The following FCMR variants were observed in gnomAD, a reference collection of about 807,000 sequenced individuals.
FCMR encodes immunoglobulin mu Fc receptor.
In FCMR, 34 loss-of-function variants were observed where a neutral mutation model predicts 41.6. The ratio of observed to expected loss-of-function variants is 0.82; its 90% confidence interval spans 0.62 to 1.09. FCMR has a LOEUF of 1.09. FCMR is among the 50% of genes least tolerant of loss of function. The probability of loss-of-function intolerance (pLI) is 0.00; values close to 1 mark genes in which losing one functional copy is unlikely to be tolerated. For synonymous variants in FCMR, 209 were observed against 211.8 expected, an observed-to-expected ratio of 0.99 and a Z score of 0.12; for missense variants, 496 against 512.5, an observed-to-expected ratio of 0.97 and a Z score of 0.31.
intron 1 of FCMR, among the ~76,000 whole-genome samples, chr1:206,918,390 C>T (rs772062827): frequency 1.3e-5 from 2 of 152,150 alleles, no homozygotes; most frequent in African/African-American, 4.8e-5. Flanking sequence ...TCATTGACTC[C>T]CATGGCTTTT....
rs757494473 is a variant in FCMR at position 206,913,944 on chromosome 1, G to A, written c.188C>T (p.Ser63Phe). ...AGSGTCGTVV[S>F]TTNFIKAEYK... ...TTCTGCCTTGATGAAGTTGGTGGTGGATACCACGGTACCACATGTTCCAGA... is the reference window on the plus strand; with the variant it reads ...TTCTGCCTTGATGAAGTTGGTGGTGAATACCACGGTACCACATGTTCCAGA... Residue 63 changes from serine (S) to phenylalanine (F), a missense_variant, in exon 2 of 8, where the codon TCC becomes TTC. By Grantham distance (155) the Ser-to-Phe change is radical (BLOSUM62 -2). Coordinates refer to ENST00000367091, the MANE Select transcript of FCMR (RefSeq NM_005449.5). The A allele has an allele frequency of 1.2e-6, 2 of 1,614,170 alleles. No individual in the cohort carries two copies. The highest frequency in any genetic ancestry group is 8.5e-7 in the Non-Finnish European group (1 of 1,180,040).
intron 3 of FCMR, 55 bp from the exon 4 acceptor site, chr1:206,912,007 C>G: frequency 7.3e-7 from 1 of 1,366,918 alleles, no homozygotes; most frequent in Non-Finnish European, 1.0e-6. Flanking sequence ...TATTCTCCAA[C>G]AGGATTAGGT....
At chr1:206,912,022 A>C in intron 3 of FCMR, 70 bp from the exon 4 acceptor site, 5 of 1,168,010 alleles carry the variant, frequency 4.3e-6, no homozygotes, top group Non-Finnish European at 5.0e-6. Flanking sequence ...TTAGGTCACC[A>C]CCTCTTTCCA....
At chr1:206,922,778 G>A (rs554500945), upstream of FCMR, among the ~76,000 whole-genome samples, 1 of 152,364 alleles carries the variant, frequency 6.6e-6, no homozygotes, top group Middle Eastern at 3.4e-3. Flanking sequence ...ATGACTGATG[G>A]AGAGAGATGC....
chr1:206,910,194 A>T lies in FCMR; in HGVS notation c.841+16T>A. 3 of 1,587,584 alleles carry T rather than the reference A, an allele frequency of 1.9e-6. No individual in the cohort carries two copies. The highest frequency in any genetic ancestry group is 2.6e-6 in the Non-Finnish European group (3 of 1,169,018). ...TTGGGCAGCTCAGCTCTCCCTACCGAAGCCCAGCCGCTCACCTTTCCTCCT... is the reference window on the plus strand; with the variant it reads ...TTGGGCAGCTCAGCTCTCCCTACCGTAGCCCAGCCGCTCACCTTTCCTCCT... On this transcript the variant is annotated intron_variant, in intron 5 of 7. Coordinates refer to ENST00000367091, the MANE Select transcript of FCMR (RefSeq NM_005449.5).
chr1:206,911,912 G>T lies in FCMR; in HGVS notation c.528C>A (p.His176Gln), dbSNP rs1359818361. The change falls in exon 4 of 8, where the codon CAC (histidine) becomes CAA (glutamine). Residue 176 changes from histidine to glutamine, a missense_variant. His to Gln is a conservative substitution (Grantham distance 24, BLOSUM62 0). Transcript: ENST00000367091. ...PAQRGKVPPVHHSSPTTQITH... is the reference protein window; with the variant it reads ...PAQRGKVPPVQHSSPTTQITH... ...TGATTTGGGTGGTGGGGGAGGAGTGGTGAACTGGAGGGACCTTGCCCCTTT... is the reference window on the plus strand; with the variant it reads ...TGATTTGGGTGGTGGGGGAGGAGTGTTGAACTGGAGGGACCTTGCCCCTTT... The T allele has an allele frequency of 1.9e-6, 3 of 1,605,898 alleles. No individual in the cohort carries two copies. The highest frequency in any genetic ancestry group is 2.5e-6 in the Non-Finnish European group (3 of 1,177,790).
At chr1:206,921,142 G>A (rs1679422676) in intron 1 of FCMR, among the ~76,000 whole-genome samples, 1 of 152,198 alleles carries the variant, frequency 6.6e-6, no homozygotes, top group Admixed American at 6.5e-5. Flanking sequence ...GCTACTGAAT[G>A]GATTACGGAA....
chr1:206,911,234 T>C (rs919292045), intron 4 of FCMR, among the ~76,000 whole-genome samples: 2 of 125,832 alleles, frequency 1.6e-5, no homozygotes, highest in Admixed American at 8.5e-5. Context: ...TTGATTATTA[T>C]AGGGTTTTTT....
chr1:206,907,518 G>A, intron 7 of FCMR: 1 of 449,708 alleles, frequency 2.2e-6, no homozygotes, highest in South Asian at 1.9e-5. Context: ...GGGGGAAGTA[G>A]GCTTCCACCG....
In FCMR at chr1:206,921,849, G is replaced by A. The variant is rs751526291; in HGVS notation, c.6C>T (p.Asp2=). 20 of 1,614,042 alleles carry A rather than the reference G, an allele frequency of 1.2e-5. No homozygotes were observed. Among genetic ancestry groups the A allele is most frequent in the Admixed American group, 5.0e-5 (3 of 60,012 alleles). M[D]FWLWPLYFLP... Reference sequence around the variant, plus strand: ...GGAAGTAAAGTGGCCAAAGCCAGAAGTCCATTGTCCCTTCTAGAGTGCAAG... The same window carrying A: ...GGAAGTAAAGTGGCCAAAGCCAGAAATCCATTGTCCCTTCTAGAGTGCAAG... The change falls in exon 1 of 8, where the codon GAC becomes GAT. Residue 2 remains aspartate, a synonymous_variant. Transcript: ENST00000367091.
intron 1 of FCMR, chr1:206,921,478 G>C: frequency 2.3e-6 from 1 of 443,416 alleles, no homozygotes; most frequent in Non-Finnish European, 4.4e-6. Context: ...GCATGCACTT[G>C]TAGTCCTAGC....
intron 1 of FCMR, among the ~76,000 whole-genome samples, chr1:206,918,650 A>T (rs1572631776): frequency 3.4e-5 from 5 of 145,872 alleles, no homozygotes; most frequent in African/African-American, 7.6e-5. Flanking sequence ...ATAAATTTTA[A>T]GTGTGTGTGT....
At chr1:206,910,020 C>T in intron 5 of FCMR, 152 bp from the exon 6 acceptor site, 1 of 1,163,162 alleles carries the variant, frequency 8.6e-7, no homozygotes, top group South Asian at 1.8e-5. Context: ...ACGGCCTTGC[C>T]CTGCCCTGAA....
chr1:206,922,719 C>T (rs955512936), upstream of FCMR, among the ~76,000 whole-genome samples: 1 of 152,210 alleles, frequency 6.6e-6, no homozygotes, highest in Non-Finnish European at 1.5e-5. Flanking sequence ...AGTCACAGCA[C>T]CCTGGTAGAG....
chr1:206,911,796 G>A lies in FCMR; in HGVS notation c.644C>T (p.Ala215Val), dbSNP rs1212608529. The A allele has an allele frequency of 3.7e-6, 6 of 1,612,674 alleles. No homozygotes were observed. The South Asian group carries it at 5.5e-5, about 15-fold the overall frequency. The change falls in exon 4 of 8, where the codon GCT becomes GTT. Residue 215 changes from alanine to valine, a missense_variant. By Grantham distance (64) the Ala-to-Val change is moderately conservative. Coordinates refer to ENST00000367091, the MANE Select transcript of FCMR (RefSeq NM_005449.5). ...LPSTTASKIS[A>V]LEGLLKPQTP... ...CTGGGGCTTGAGCAGCCCCTCCAGA[G>A]CTGAGATTTTTGAGGCTGTAGTGGA... is the stretch of plus-strand genomic sequence containing the variant.
Position 206,909,956 on chromosome 1 carries a change from G to C in FCMR, c.842-88C>G. 7.5e-7 allele frequency: 1 copy of C among 1,326,890 alleles called. No homozygotes were observed. The highest frequency in any genetic ancestry group is 9.7e-7 in the Non-Finnish European group (1 of 1,027,500). 82.2% of individuals were successfully genotyped at this position (1,326,890 alleles called of 1,614,324 possible). Reference sequence around the variant, plus strand: ...CAAACGAAAGGCTGCCTCCTCCCTCGGGCTTGGCAGTGTCTGACCTGGAGA... The same window carrying C: ...CAAACGAAAGGCTGCCTCCTCCCTCCGGCTTGGCAGTGTCTGACCTGGAGA... On this transcript the variant is annotated intron_variant, in intron 5 of 7. Coordinates refer to ENST00000367091, the MANE Select transcript of FCMR (RefSeq NM_005449.5). This position sits in a 1 kb window ranked among gnomAD's most constrained non-coding sequence, Gnocchi z 5.0.
rs976764669 is a variant in FCMR, at chr1:206,909,918, G to A, written c.842-50C>T. ...GGGAGGAAAATGGCATCAGAGGCCC[G>A]TGCCACCCTCCCCAAACGAAAGGCT... On this transcript the variant is annotated intron_variant, in intron 5 of 7. Transcript: ENST00000367091. The surrounding 1 kb of genome is among the most constrained non-coding windows in gnomAD (Gnocchi z 5.0). 2 of 1,368,562 alleles carry A rather than the reference G, an allele frequency of 1.5e-6. No homozygotes were observed. Among genetic ancestry groups the A allele is most frequent in the Non-Finnish European group, 1.9e-6 (2 of 1,062,378 alleles). The allele number at this position is 1,368,562 out of a possible 1,614,324, so 84.8% of individuals were successfully genotyped here. A position where few individuals can be genotyped will look rare whatever the true frequency, so the allele number is the denominator to read the frequency against.
chr1:206,919,887 A>T (rs919969603), intron 1 of FCMR, among the ~76,000 whole-genome samples: 1 of 152,200 alleles, frequency 6.6e-6, no homozygotes, highest in Admixed American at 6.5e-5. Flanking sequence ...ACAGTGTTTG[A>T]TGTTTCACGT....
At chr1:206,907,597 T>C (rs1323830032) in intron 7 of FCMR, 2 of 691,746 alleles carry the variant, frequency 2.9e-6, no homozygotes, top group South Asian at 1.4e-5. Flanking sequence ...AGGGATTTTC[T>C]TTTCCCAGGC....
Sources: gnomAD v4.1 joint callset for allele counts (sites outside exome capture counted in the v4.1 genomes callset) on GRCh38, gnomAD v4.1.1 for gene constraint, Gnocchi (gnomAD v3.1) non-coding constraint, MANE v1.5 for transcripts, NCBI Gene and HGNC (gene_info 2026-07-23, HGNC 2026-07-21) for gene names.